The following ADAD1 variants were observed in gnomAD, a reference collection of about 807,000 sequenced individuals.
ADAD1 encodes the protein adenosine deaminase domain containing 1.
ADAD1 carries 46 observed loss-of-function variants against 66.8 expected under a neutral mutation model. The ratio of observed to expected loss-of-function variants is 0.69; its 90% CI spans 0.54 to 0.88. ADAD1 has a LOEUF of 0.88. Ranked by LOEUF, ADAD1 falls within the 40% of genes least tolerant of loss-of-function variation. The probability of loss-of-function intolerance (pLI) is 0.00; values close to 1 mark genes in which losing one functional copy is unlikely to be tolerated. For synonymous variants in ADAD1, 248 were observed against 229.4 expected, an observed-to-expected ratio of 1.08 and a Z score of -0.73; for missense variants, 617 against 681.8, an observed-to-expected ratio of 0.91 and a Z score of 1.06.
intron 12 of ADAD1, among the ~76,000 whole-genome samples, chr4:122,427,355 C>G (rs1797291002): frequency 6.6e-6 from 1 of 151,874 alleles, no homozygotes; most frequent in African/African-American, 2.4e-5. Flanking sequence ...TTGAAGGAGA[C>G]CTAAGTAAAT....
In ADAD1 at chr4:122,411,276, A is replaced by G; in HGVS notation, c.903A>G (p.Glu301=). ...ACAGCAAAAATCCTGCTATGATGGA[A>G]AAATCAATATTTTGTACAGAACCAA... ...LFYSKNPAMM[E]KSIFCTEPTS... is the part of the protein sequence containing the mutation. The change falls in exon 9 of 13, where the codon GAA becomes GAG. Residue 301 remains glutamate, a synonymous_variant. Coordinates refer to ENST00000296513, the MANE Select transcript of ADAD1 (RefSeq NM_139243.4). The G allele has an allele frequency of 1.9e-6, 3 of 1,611,628 alleles. No homozygotes were observed. Among genetic ancestry groups the G allele is most frequent in the Non-Finnish European group, 2.5e-6 (3 of 1,179,290 alleles).
In ADAD1 at chr4:122,381,407, C is replaced by T. The variant is rs76639621; in HGVS notation, c.361+227C>T. The stretch of plus-strand genomic sequence containing the variant: ...ATTGAATTGTAATTTTCTTATGTGT[C>T]GCTAGCTGAATGGAAATTAGTCTCA... On this transcript the variant is annotated intron_variant, in intron 4 of 12. Transcript: ENST00000296513. Among the ~76,000 whole-genome samples, 170 of 152,166 alleles carry T rather than the reference C, an allele frequency of 1.1e-3. 1 individual carries two copies. The Middle Eastern group carries it at 0.014, about 12-fold the overall frequency.
intron 5 of ADAD1, among the ~76,000 whole-genome samples, chr4:122,384,441 G>A (rs2150530696): frequency 6.6e-6 from 1 of 152,272 alleles, no homozygotes; most frequent in Middle Eastern, 3.4e-3. Context: ...TTGACCCTAT[G>A]CTGACAAGTT....
intron 5 of ADAD1, among the ~76,000 whole-genome samples, chr4:122,392,487 A>G (rs1795496292): frequency 1.3e-5 from 2 of 152,226 alleles, no homozygotes; most frequent in African/African-American, 2.4e-5. Context: ...CTTGTTGTTA[A>G]TATTAGGAGC....
intron 5 of ADAD1, among the ~76,000 whole-genome samples, chr4:122,386,463 T>C (rs1266423112): frequency 6.6e-6 from 1 of 152,122 alleles, no homozygotes; most frequent in African/African-American, 2.4e-5. Context: ...GATGTGTAGA[T>C]CAAAAATTTT....
In ADAD1 at chr4:122,396,323, C is replaced by G. The variant is rs267600006; in HGVS notation, c.670C>G (p.Arg224Gly). ...KERFNQLISNRSEYLKYSSSL... is the reference protein window; with the variant it reads ...KERFNQLISNGSEYLKYSSSL... ...AAGATTTAATCAACTAATTTCTAAT[C>G]GTTCAGAATACCTGAAATATAGCAG... The change falls in exon 7 of 13, where the codon CGT (arginine) becomes GGT (glycine). Residue 224 changes from arginine to glycine, a missense_variant. Arg to Gly is a moderately radical substitution (Grantham distance 125, BLOSUM62 -2). Transcript: ENST00000296513. 6.2e-7 allele frequency: 1 copy of G among 1,604,252 alleles called. No individual in the cohort carries two copies. The highest frequency in any genetic ancestry group is 1.1e-5 in the South Asian group (1 of 88,998).
At chr4:122,412,533 T>C (rs1560598504) in intron 9 of ADAD1, 47 bp from the exon 10 acceptor site, 3 of 1,526,920 alleles carry the variant, frequency 2.0e-6, no homozygotes, top group Admixed American at 1.7e-5. Flanking sequence ...GATTTTGTTC[T>C]GTCACCTTTG....
intron 5 of ADAD1, among the ~76,000 whole-genome samples, chr4:122,389,180 T>G (rs1283451761): frequency 6.6e-6 from 1 of 152,204 alleles, no homozygotes; most frequent in African/African-American, 2.4e-5. Flanking sequence ...TGGTTTTGAG[T>G]GAGTTTCTTA....
chr4:122,391,207 G>T (rs1444019697), intron 5 of ADAD1, among the ~76,000 whole-genome samples: 1 of 152,124 alleles, frequency 6.6e-6, no homozygotes, highest in East Asian at 1.9e-4. Context: ...ACTCAGGGAG[G>T]CTGGAGAACA....
intron 12 of ADAD1, among the ~76,000 whole-genome samples, chr4:122,423,922 A>G (rs1473476024): frequency 6.6e-6 from 1 of 152,190 alleles, no homozygotes; most frequent in Non-Finnish European, 1.5e-5. Context: ...TCTAAAATTA[A>G]TGGTGATGGC....
chr4:122,410,264 G>A (rs1156676299), intron 8 of ADAD1, among the ~76,000 whole-genome samples: 4 of 152,044 alleles, frequency 2.6e-5, no homozygotes. Context: ...TGGTGCTTAT[G>A]GAATTATTTG....
At chr4:122,407,663 A>G (rs1796278239) in intron 7 of ADAD1, among the ~76,000 whole-genome samples, 1 of 152,234 alleles carries the variant, frequency 6.6e-6, no homozygotes, top group Non-Finnish European at 1.5e-5. Context: ...TGATCATGGT[A>G]AAGATTTAGA....
rs533299951 is a variant in ADAD1, at chr4:122,419,345, A to G, written c.1488-1916A>G. The stretch of plus-strand genomic sequence containing the variant: ...CTAAATGATGAGAACACGTGGACAC[A>G]TAGAGGGGAACAACACACAGTGAGG... On this transcript the variant is annotated intron_variant, in intron 11 of 12. Coordinates refer to ENST00000296513, the MANE Select transcript of ADAD1 (RefSeq NM_139243.4). 3.9e-5 allele frequency among the ~76,000 whole-genome samples: 6 copies of G among 152,326 alleles called. 1 individual carries two copies. The East Asian group carries it at 1.2e-3, about 29-fold the overall frequency.
intron 12 of ADAD1, among the ~76,000 whole-genome samples, chr4:122,424,170 C>T (rs1288857424): frequency 6.6e-6 from 1 of 152,024 alleles, no homozygotes; most frequent in Non-Finnish European, 1.5e-5. Context: ...GTTAAACTAA[C>T]GTTAAGAAAA....
intron 4 of ADAD1, among the ~76,000 whole-genome samples, chr4:122,382,415 G>A (rs1042020259): frequency 1.1e-4 from 16 of 152,170 alleles, no homozygotes; most frequent in Admixed American, 7.9e-4. Context: ...TAAAGGCTCC[G>A]CATTCTGACA....
intron 5 of ADAD1, among the ~76,000 whole-genome samples, chr4:122,387,899 A>C (rs1795252208): frequency 6.6e-6 from 1 of 151,944 alleles, no homozygotes; most frequent in South Asian, 2.1e-4. Flanking sequence ...AGCTGGGACT[A>C]CAGGCACCTG....
At chr4:122,386,342 T>G (rs1451273915) in intron 5 of ADAD1, among the ~76,000 whole-genome samples, 1 of 152,258 alleles carries the variant, frequency 6.6e-6, no homozygotes, top group East Asian at 1.9e-4. Context: ...CATAAATGTC[T>G]TCTTTTGAGA....
chr4:122,384,377 T>C (rs1472695373), intron 5 of ADAD1, among the ~76,000 whole-genome samples: 3 of 152,172 alleles, frequency 2.0e-5, no homozygotes, highest in Non-Finnish European at 4.4e-5. Context: ...TAAGGTAGCA[T>C]AGCAAATAGG....
intron 11 of ADAD1, among the ~76,000 whole-genome samples, chr4:122,419,848 T>C (rs1319856813): frequency 2.6e-5 from 4 of 152,198 alleles, no homozygotes; most frequent in African/African-American, 9.7e-5. Context: ...TATTCTAGAT[T>C]AAGATACTCA....
Sources: gnomAD v4.1 joint callset for allele counts (sites outside exome capture counted in the v4.1 genomes callset) on GRCh38, gnomAD v4.1.1 for gene constraint, MANE v1.5 for transcripts, NCBI Gene and HGNC (gene_info 2026-07-23, HGNC 2026-07-21) for gene names.